STRN3: variants seen among roughly 807,000 people sequenced by gnomAD.
The protein encoded by STRN3 is striatin 3.
A neutral mutation model predicts 95.6 loss-of-function variants in STRN3; 29 were observed. That is an observed-to-expected ratio of 0.30 (90% CI 0.23 to 0.41). The LOEUF (loss-of-function observed/expected upper bound fraction) is 0.41, where lower values mean the gene tolerates loss of function less well. Ranked by LOEUF, STRN3 falls within the 10% of genes least tolerant of loss-of-function variation. STRN3 has a pLI of 1.00. For synonymous variants in STRN3, 331 were observed against 357.6 expected, an observed-to-expected ratio of 0.93 and a Z score of 0.84; for missense variants, 890 against 972.1, an observed-to-expected ratio of 0.92 and a Z score of 1.12.
At position 30,950,849 on chromosome 14, in the gene STRN3, A is replaced by G; in HGVS notation, c.542+14T>C. 1 of 1,611,282 alleles carries G rather than the reference A, an allele frequency of 6.2e-7. No homozygotes were observed. Among genetic ancestry groups the G allele is most frequent in the Non-Finnish European group, 8.5e-7 (1 of 1,178,104 alleles). The stretch of plus-strand genomic sequence containing the variant: ...TAGATCCTTAAAGAAGGTTGAAAAT[A>G]AGTAATTACTCACTGTCTTAAAAGC... On this transcript the variant is annotated intron_variant, in intron 4 of 17. Transcript: ENST00000357479.
intron 13 of STRN3, among the ~76,000 whole-genome samples, chr14:30,908,108 T>G (rs1181667034): frequency 6.6e-6 from 1 of 152,206 alleles, no homozygotes; most frequent in Non-Finnish European, 1.5e-5. Flanking sequence ...TCCTCCATCC[T>G]ATCAAAGGCT....
chr14:31,013,749 T>C (rs749341550), intron 1 of STRN3, among the ~76,000 whole-genome samples: 36 of 149,982 alleles, frequency 2.4e-4, no homozygotes, highest in Admixed American at 6.7e-4. Context: ...TGTCACTATG[T>C]CTGGCTAAAT....
At chr14:30,989,036 G>A (rs1881825110) in intron 1 of STRN3, among the ~76,000 whole-genome samples, 1 of 151,912 alleles carries the variant, frequency 6.6e-6, no homozygotes, top group African/African-American at 2.4e-5. Context: ...GGCTTCCCAG[G>A]GTCCAATGCC....
Position 30,895,128 on chromosome 14 carries a change from A to T in STRN3, c.*283T>A. 6.8e-6 allele frequency: 2 copies of T among 294,378 alleles called. No homozygotes were observed. Among genetic ancestry groups the T allele is most frequent in the Non-Finnish European group, 1.2e-5 (2 of 165,522 alleles). 18.2% of individuals were successfully genotyped at this position (294,378 alleles called of 1,614,324 possible). A position where few individuals can be genotyped will look rare whatever the true frequency, so the allele number is the denominator to read the frequency against. ...AAACTTTTTTGAAAGATCAGACTCC[A>T]CATTGGCTTAAAGACACCTAAAAAC... On this transcript the variant is annotated 3_prime_UTR_variant, in exon 18 of 18. Coordinates refer to ENST00000357479, the MANE Select transcript of STRN3 (RefSeq NM_001083893.2).
At chr14:31,025,031 C>A (rs1356883514) in intron 1 of STRN3, 2 of 152,134 alleles carry the variant, frequency 1.3e-5, no homozygotes, top group African/African-American at 4.8e-5. Flanking sequence ...TGAAGGGTTC[C>A]GAGAACATCT....
intron 1 of STRN3, among the ~76,000 whole-genome samples, chr14:31,016,979 ACT>A (rs1376723660): frequency 4.0e-5 from 6 of 151,398 alleles, no homozygotes; most frequent in East Asian, 1.9e-4. Flanking sequence ...ACTTAGCAAA[ACT>A]CTGTCTCTAG....
At position 30,982,590 on chromosome 14, in the gene STRN3, G is replaced by A. The variant is rs150179317; in HGVS notation, c.283-26348C>T. Among the ~76,000 whole-genome samples the A allele has an allele frequency of 1.8e-3, 278 of 152,286 alleles. 5 individuals carry two copies. The East Asian group carries it at 0.031, about 17-fold the overall frequency. ...ATCCCGAAGTGGTGGGATTACAGGC[G>A]TCAGCCACTGTGTCTGGCCAATAGA... On this transcript the variant is annotated intron_variant, in intron 1 of 17. Coordinates refer to ENST00000357479, the MANE Select transcript of STRN3 (RefSeq NM_001083893.2).
intron 7 of STRN3, among the ~76,000 whole-genome samples, chr14:30,934,329 TAATAATAATAAC>T (rs935810545): frequency 1.3e-5 from 2 of 151,730 alleles, no homozygotes; most frequent in African/African-American, 2.4e-5. Flanking sequence ...TCTCAAAAAA[TAATAATAATAAC>T]AATAATAATA....
At chr14:31,003,111 A>G in intron 1 of STRN3, among the ~76,000 whole-genome samples, 1 of 151,724 alleles carries the variant, frequency 6.6e-6, no homozygotes, top group Non-Finnish European at 1.5e-5. Flanking sequence ...AAAATACAAA[A>G]ATCAGCTGGC....
intron 8 of STRN3, among the ~76,000 whole-genome samples, chr14:30,919,325 T>C (rs373758453): frequency 6.6e-5 from 10 of 151,234 alleles, no homozygotes; most frequent in African/African-American, 2.4e-4. Flanking sequence ...TATATAAAGA[T>C]ACATATCTAT....
intron 1 of STRN3, chr14:31,025,104 T>C (rs1243473635): frequency 2.0e-5 from 3 of 152,214 alleles, no homozygotes; most frequent in Admixed American, 2.0e-4. Context: ...CAAGGGAATA[T>C]TAAATCTCTT....
In STRN3 at chr14:30,919,763, C is replaced by T. The variant is rs139083004; in HGVS notation, c.1100-657G>A. ...TTCTCATAATGATATGAAAAGTCAG[C>T]ACTGTCATAAGCCATAAATATAAGG... On this transcript the variant is annotated intron_variant, in intron 8 of 17. Transcript: ENST00000357479. 1.4e-4 allele frequency among the ~76,000 whole-genome samples: 22 copies of T among 152,186 alleles called. No homozygotes were observed. The East Asian group carries it at 3.9e-3, about 27-fold the overall frequency.
At chr14:30,931,750 C>T (rs952791413) in intron 7 of STRN3, among the ~76,000 whole-genome samples, 1 of 152,208 alleles carries the variant, frequency 6.6e-6, no homozygotes, top group Admixed American at 6.5e-5. Flanking sequence ...TAATATTAAA[C>T]TCAGACTATC....
intron 1 of STRN3, among the ~76,000 whole-genome samples, chr14:30,957,415 T>C (rs1342532252): frequency 7.1e-6 from 1 of 140,390 alleles, no homozygotes; most frequent in Non-Finnish European, 1.5e-5. Context: ...ATGGTGCCAC[T>C]GCACTCCAGC....
chr14:30,961,761 C>A (rs1274605894), intron 1 of STRN3, among the ~76,000 whole-genome samples: 1 of 152,168 alleles, frequency 6.6e-6, no homozygotes, highest in East Asian at 1.9e-4. Context: ...GGGCCACCAG[C>A]CAGGCTAATT....
intron 13 of STRN3, 110 bp from the exon 14 acceptor site, chr14:30,907,154 C>A (rs1896484408): frequency 8.0e-7 from 1 of 1,247,410 alleles, no homozygotes; most frequent in Non-Finnish European, 1.1e-6. Context: ...CACATAAAGG[C>A]CACAAGAAGA....
rs1164778081 is a variant in STRN3 at position 30,895,543 on chromosome 14, G to A, written c.2262C>T (p.Ser754=). 1 of 1,613,918 alleles carries A rather than the reference G, an allele frequency of 6.2e-7. No homozygotes were observed. The highest frequency in any genetic ancestry group is 2.2e-5 in the East Asian group (1 of 44,880). The change falls in exon 18 of 18, where the codon AGC becomes AGT. Residue 754 remains serine (S), a synonymous_variant. Transcript: ENST00000357479. ...DCSIRLWNLD[S]KTCVQEITAH... ...CTGTTATTTCTTGCACACATGTCTT[G>A]CTGTCTAAATTCCATAATCTGATGG... is the stretch of plus-strand genomic sequence containing the variant.
intron 4 of STRN3, among the ~76,000 whole-genome samples, chr14:30,949,711 G>C (rs529687654): frequency 5.9e-5 from 9 of 152,110 alleles, no homozygotes; most frequent in African/African-American, 2.2e-4. Context: ...TTACAGAAAG[G>C]AAAGTGTTAA....
In STRN3 at chr14:30,894,289, T is replaced by C. The variant is rs918525461; in HGVS notation, c.*1122A>G. On this transcript the variant is annotated 3_prime_UTR_variant, in exon 18 of 18. Coordinates refer to ENST00000357479, the MANE Select transcript of STRN3 (RefSeq NM_001083893.2). ...TTTGGAATCATGGTAAACCAAGATA[T>C]ATATCTTAGGGGGAACCACCTTGGT... 2 of 152,424 alleles carry C rather than the reference T, an allele frequency of 1.3e-5. No homozygotes were observed. Among genetic ancestry groups the C allele is most frequent in the Non-Finnish European group, 2.9e-5 (2 of 68,006 alleles). 9.4% of individuals were successfully genotyped at this position (152,424 alleles called of 1,614,324 possible).
Sources: allele counts gnomAD v4.1 joint callset (sites outside exome capture counted in the v4.1 genomes callset), GRCh38; gene constraint gnomAD v4.1.1; transcripts MANE v1.5; gene names NCBI Gene and HGNC (gene_info 2026-07-23, HGNC 2026-07-21).